Variants in GALNT13 observed in about 807,000 individuals in gnomAD.
GALNT13 encodes the protein UDP-GalNAc:polypeptide N-acetylgalactosaminyltransferase 13.
GALNT13 carries 28 observed loss-of-function variants against 64.2 expected under a neutral mutation model. That is an observed-to-expected ratio of 0.44 (90% CI 0.32 to 0.60). The LOEUF (loss-of-function observed/expected upper bound fraction) is 0.60. Ranked by LOEUF, GALNT13 falls within the 20% of genes least tolerant of loss-of-function variation. GALNT13 has a pLI of 0.05. For missense variants in GALNT13, 577 were observed against 669.8 expected, an observed-to-expected ratio of 0.86 and a Z score of 1.53; for synonymous variants, 214 against 224.6, an observed-to-expected ratio of 0.95 and a Z score of 0.42.
intron 2 of GALNT13, among the ~76,000 whole-genome samples, chr2:153,930,735 T>G (rs1273881998): frequency 1.3e-5 from 2 of 152,168 alleles, no homozygotes; most frequent in Non-Finnish European, 2.9e-5. Context: ...TCTTGTGGTA[T>G]AGTTTGAAGT....
intron 1 of GALNT13, among the ~76,000 whole-genome samples, chr2:153,890,037 C>T (rs893011287): frequency 6.6e-6 from 1 of 151,754 alleles, no homozygotes; most frequent in African/African-American, 2.4e-5. Context: ...ATTGTTCTCT[C>T]ATTCTTGCTT....
chr2:153,554,288 C>T, the GALNT13 span, among the ~76,000 whole-genome samples: 2 of 151,494 alleles, frequency 1.3e-5, no homozygotes, highest in Non-Finnish European at 2.9e-5. Context: ...GAGCCGAGAT[C>T]GTGCCACTGC....
intron 9 of GALNT13, among the ~76,000 whole-genome samples, chr2:154,385,857 G>A (rs765405618): frequency 6.6e-6 from 1 of 151,958 alleles, no homozygotes; most frequent in African/African-American, 2.4e-5. Context: ...CAATTATAAA[G>A]TTAGCAATAT....
chr2:153,298,535 T>C, the GALNT13 span, among the ~76,000 whole-genome samples: 1 of 152,218 alleles, frequency 6.6e-6, no homozygotes, highest in Admixed American at 6.5e-5. Flanking sequence ...GAATAATTGT[T>C]ATATTTGCCT....
the GALNT13 span, among the ~76,000 whole-genome samples, chr2:153,390,758 T>G: frequency 6.6e-6 from 1 of 152,078 alleles, no homozygotes; most frequent in Non-Finnish European, 1.5e-5. Context: ...TTTGAATGCT[T>G]GCTATGGACC....
chr2:154,138,607 T>C (rs1683083194), intron 3 of GALNT13, among the ~76,000 whole-genome samples: 1 of 151,284 alleles, frequency 6.6e-6, no homozygotes, highest in African/African-American at 2.4e-5. Context: ...TGAATATTTA[T>C]GGTTAATAGG....
At chr2:153,339,549 C>T in the GALNT13 span, among the ~76,000 whole-genome samples, 1 of 152,102 alleles carries the variant, frequency 6.6e-6, no homozygotes, top group African/African-American at 2.4e-5. Context: ...AATATATTCT[C>T]CTATTCTGTA....
chr2:154,180,391 G>A (rs114620229), intron 4 of GALNT13, among the ~76,000 whole-genome samples: 158 of 150,282 alleles, frequency 1.1e-3, no homozygotes, highest in Admixed American at 1.8e-3. Context: ...TGCCTTTTAT[G>A]GATCTTTTTG....
At chr2:153,391,403 A>G in the GALNT13 span, among the ~76,000 whole-genome samples, 1 of 152,110 alleles carries the variant, frequency 6.6e-6, no homozygotes, top group African/African-American at 2.4e-5. Flanking sequence ...ATGACACGCT[A>G]GTAATGATTG....
the GALNT13 span, among the ~76,000 whole-genome samples, chr2:153,245,140 T>G: frequency 1.3e-5 from 2 of 152,198 alleles, no homozygotes; most frequent in African/African-American, 4.8e-5. Flanking sequence ...CAGATAAAGC[T>G]CTCATCTTCC....
Position 154,206,520 on chromosome 2 carries a change from C to T in GALNT13, c.312-35510C>T, listed in dbSNP as rs192583785. Among the ~76,000 whole-genome samples the T allele has an allele frequency of 7.9e-3, 1,198 of 151,586 alleles. 17 individuals carry two copies. Among genetic ancestry groups the T allele is most frequent in the African/African-American group, 0.027 (1,125 of 41,356 alleles). On this transcript the variant is annotated intron_variant, in intron 4 of 12. Transcript: ENST00000392825. ...GGGTACAAGAGGAACGGGGGTCGGG[C>T]GCGGTGGCTCACGCCTGTAAACCTA...
chr2:153,629,076 A>T, the GALNT13 span, among the ~76,000 whole-genome samples: 18 of 152,196 alleles, frequency 1.2e-4, no homozygotes, highest in Admixed American at 4.6e-4. Flanking sequence ...TAGTCTTGGG[A>T]GGGTATATGT....
At chr2:153,107,056 A>G in the GALNT13 span, among the ~76,000 whole-genome samples, 1 of 152,168 alleles carries the variant, frequency 6.6e-6, no homozygotes, top group African/African-American at 2.4e-5. Context: ...GGTTACATTT[A>G]AAAGTGCTCT....
intron 8 of GALNT13, among the ~76,000 whole-genome samples, chr2:154,286,062 A>G (rs113670355): frequency 0.019 from 2,940 of 152,272 alleles, 70 homozygotes; most frequent in African/African-American, 0.059. Flanking sequence ...AAATTTGTTT[A>G]TCAGTTCTAA....
chr2:154,166,335 G>C (rs1035042081), intron 4 of GALNT13, among the ~76,000 whole-genome samples: 2 of 152,162 alleles, frequency 1.3e-5, no homozygotes, highest in Non-Finnish European at 2.9e-5. Flanking sequence ...AACCCAGGAG[G>C]CAGAGGTTGC....
At chr2:154,169,329 A>G (rs1685224311) in intron 4 of GALNT13, among the ~76,000 whole-genome samples, 1 of 152,202 alleles carries the variant, frequency 6.6e-6, no homozygotes, top group Non-Finnish European at 1.5e-5. Flanking sequence ...CATTTGGGAA[A>G]TAGGCTCTGA....
At chr2:153,974,111 A>G (rs1399712334) in intron 3 of GALNT13, among the ~76,000 whole-genome samples, 3 of 151,984 alleles carry the variant, frequency 2.0e-5, no homozygotes, top group Non-Finnish European at 2.9e-5. Context: ...TTTTCTCCAC[A>G]CTGATGGCAG....
intron 3 of GALNT13, among the ~76,000 whole-genome samples, chr2:154,066,942 A>G (rs1476685686): frequency 6.6e-6 from 1 of 152,136 alleles, no homozygotes; most frequent in Non-Finnish European, 1.5e-5. Context: ...AGACATAGCC[A>G]GTATAATAAG....
chr2:153,510,888 G>A, the GALNT13 span, among the ~76,000 whole-genome samples: 1 of 151,896 alleles, frequency 6.6e-6, no homozygotes, highest in Non-Finnish European at 1.5e-5. Flanking sequence ...GAGTTACCCA[G>A]CAAATACAAG....
Sources: gnomAD v4.1 joint callset for allele counts (sites outside exome capture counted in the v4.1 genomes callset) on GRCh38, gnomAD v4.1.1 for gene constraint, MANE v1.5 for transcripts, NCBI Gene and HGNC (gene_info 2026-07-23, HGNC 2026-07-21) for gene names.